The following CSNK2A2IP variants were observed in gnomAD, a reference collection of about 807,000 sequenced individuals.
CSNK2A2IP encodes the protein casein kinase II subunit alpha'-interacting protein.
At chr3:88,383,915 G>A in the CSNK2A2IP span, among the ~76,000 whole-genome samples, 3 of 151,848 alleles carry the variant, frequency 2.0e-5, no homozygotes, top group African/African-American at 7.3e-5. Flanking sequence ...TGCCTGCCTC[G>A]GCCTCCCAAA....
chr3:88,399,392 C>A, the CSNK2A2IP span, among the ~76,000 whole-genome samples: 16 of 152,248 alleles, frequency 1.1e-4, no homozygotes, highest in Admixed American at 7.2e-4. Flanking sequence ...TATCCAGGAT[C>A]AGTTGAAAAG....
chr3:88,407,041 A>G, the CSNK2A2IP span, among the ~76,000 whole-genome samples: 1 of 152,148 alleles, frequency 6.6e-6, no homozygotes, highest in Admixed American at 6.5e-5. Context: ...TCACACTGCT[A>G]ACAGCCTCCC....
the CSNK2A2IP span, among the ~76,000 whole-genome samples, chr3:88,443,348 G>A: frequency 6.6e-6 from 1 of 152,106 alleles, no homozygotes; most frequent in Non-Finnish European, 1.5e-5. Context: ...AAACAAAAAC[G>A]ATGAGCTTGA....
the CSNK2A2IP span, among the ~76,000 whole-genome samples, chr3:88,402,418 ACT>A: frequency 6.6e-6 from 1 of 152,080 alleles, no homozygotes; most frequent in Non-Finnish European, 1.5e-5. Context: ...TTCAGGATTT[ACT>A]TCAGAAAAAC....
the CSNK2A2IP span, among the ~76,000 whole-genome samples, chr3:88,421,498 C>A: frequency 6.6e-6 from 1 of 152,134 alleles, no homozygotes; most frequent in Admixed American, 6.6e-5. Flanking sequence ...CTCACTGCAA[C>A]CTCCACCTTC....
chr3:88,442,602 T>C, the CSNK2A2IP span, among the ~76,000 whole-genome samples: 1 of 152,136 alleles, frequency 6.6e-6, no homozygotes, highest in Non-Finnish European at 1.5e-5. Flanking sequence ...TTTACATTTT[T>C]ACAATTATTT....
chr3:88,360,288 A>C, the CSNK2A2IP span, among the ~76,000 whole-genome samples: 3 of 151,002 alleles, frequency 2.0e-5, no homozygotes, highest in African/African-American at 7.3e-5. Context: ...CGCCCACCAC[A>C]ACGCCCGGCT....
chr3:88,464,334 A>G, the CSNK2A2IP span, among the ~76,000 whole-genome samples: 2 of 150,470 alleles, frequency 1.3e-5, no homozygotes, highest in South Asian at 2.1e-4. Context: ...AAATAAATAT[A>G]TCTATATATA....
the CSNK2A2IP span, among the ~76,000 whole-genome samples, chr3:88,428,799 T>C: frequency 1.2e-4 from 18 of 152,130 alleles, no homozygotes; most frequent in Non-Finnish European, 2.4e-4. Context: ...TTGTAAGACA[T>C]GAGAATTAGA....
chr3:88,422,764 C>A, the CSNK2A2IP span, among the ~76,000 whole-genome samples: 1 of 152,100 alleles, frequency 6.6e-6, no homozygotes, highest in African/African-American at 2.4e-5. Flanking sequence ...TCTGTTTTAC[C>A]TCCTCGTTTC....
the CSNK2A2IP span, among the ~76,000 whole-genome samples, chr3:88,428,049 C>T: frequency 6.6e-6 from 1 of 152,154 alleles, no homozygotes; most frequent in Non-Finnish European, 1.5e-5. Context: ...GTTGCAAAGC[C>T]ACAGGGGTAG....
chr3:88,403,651 T>C, the CSNK2A2IP span, among the ~76,000 whole-genome samples: 1 of 152,142 alleles, frequency 6.6e-6, no homozygotes, highest in African/African-American at 2.4e-5. Context: ...ATCAGCACTT[T>C]ACATGCATTA....
chr3:88,425,347 C>T, the CSNK2A2IP span, among the ~76,000 whole-genome samples: 1 of 152,020 alleles, frequency 6.6e-6, no homozygotes, highest in South Asian at 2.1e-4. Flanking sequence ...TAAAAGCAAA[C>T]CAAATTGTAT....
At chr3:88,354,407 G>A in the CSNK2A2IP span, among the ~76,000 whole-genome samples, 1 of 152,288 alleles carries the variant, frequency 6.6e-6, no homozygotes, top group South Asian at 2.1e-4. Context: ...TCTGTATGTG[G>A]CATAGAATGG....
the CSNK2A2IP span, among the ~76,000 whole-genome samples, chr3:88,379,670 A>G: frequency 2.0e-5 from 3 of 152,128 alleles, no homozygotes; most frequent in African/African-American, 7.2e-5. Context: ...CTCAGTTTAA[A>G]GAAAACAGGG....
At chr3:88,425,581 G>T in the CSNK2A2IP span, among the ~76,000 whole-genome samples, 1 of 151,872 alleles carries the variant, frequency 6.6e-6, no homozygotes, top group Non-Finnish European at 1.5e-5. Flanking sequence ...AAATATCTTT[G>T]CTCTGCAATA....
the CSNK2A2IP span, among the ~76,000 whole-genome samples, chr3:88,392,518 G>A: frequency 6.6e-6 from 1 of 152,134 alleles, no homozygotes; most frequent in Non-Finnish European, 1.5e-5. Context: ...AAAAAGCTAA[G>A]AGAATATGTG....
the CSNK2A2IP span, chr3:88,466,717 T>C: frequency 1.0e-5 from 11 of 1,082,230 alleles, 1 homozygote; most frequent in South Asian, 4.7e-4. Context: ...GCAGATTTTG[T>C]TTAGAAGGAT....
the CSNK2A2IP span, chr3:88,466,378 C>T: frequency 8.1e-7 from 1 of 1,231,868 alleles, no homozygotes; most frequent in Non-Finnish European, 1.0e-6. Context: ...ACCTGTCTGT[C>T]ACTCCAAGTT....
Sources: gnomAD v4.1 joint callset for allele counts (sites outside exome capture counted in the v4.1 genomes callset) on GRCh38, gnomAD v4.1.1 for gene constraint, MANE v1.5 for transcripts, NCBI Gene and HGNC (gene_info 2026-07-23, HGNC 2026-07-21) for gene names.